Variants in MAML3 observed in about 807,000 individuals in gnomAD.
MAML3 encodes the protein mastermind like transcriptional coactivator 3, also known as mastermind-like protein 3.
A neutral mutation model predicts 101.9 loss-of-function variants in MAML3; 27 were observed. The ratio of observed to expected loss-of-function variants is 0.27; its 90% CI spans 0.20 to 0.37. The LOEUF is 0.37. Ranked by LOEUF, MAML3 falls within the 10% of genes least tolerant of loss-of-function variation. The pLI is 1.00. For missense variants in MAML3, 1,316 were observed against 1,444.9 expected, an observed-to-expected ratio of 0.91 and a Z score of 1.45; for synonymous variants, 501 against 555.9, an observed-to-expected ratio of 0.90 and a Z score of 1.39.
intron 2 of MAML3, among the ~76,000 whole-genome samples, chr4:139,802,564 C>T (rs73854358): frequency 0.015 from 2,297 of 152,262 alleles, 58 homozygotes; most frequent in African/African-American, 0.051. Context: ...AGATAACGAA[C>T]AATCCCTATT....
At chr4:139,790,252 TATAAA>T (rs1304738442) in intron 2 of MAML3, among the ~76,000 whole-genome samples, 2 of 138,012 alleles carry the variant, frequency 1.4e-5, no homozygotes. Context: ...TAAATAAATA[TATAAA>T]ATAAAATATA....
chr4:139,917,433 G>T (rs1733047281), intron 1 of MAML3, among the ~76,000 whole-genome samples: 1 of 152,146 alleles, frequency 6.6e-6, no homozygotes, highest in African/African-American at 2.4e-5. Context: ...TAGTACCAGG[G>T]GAAAGAAGGC....
intron 1 of MAML3, among the ~76,000 whole-genome samples, chr4:139,947,829 TG>T (rs1310945375): frequency 6.6e-6 from 1 of 152,154 alleles, no homozygotes; most frequent in Non-Finnish European, 1.5e-5. Context: ...TTGCTGGGCA[TG>T]GTGACTCACT....
chr4:139,829,103 AAGAAAGGAAGAAAG>A (rs1731117850), intron 2 of MAML3, among the ~76,000 whole-genome samples: 1 of 144,056 alleles, frequency 6.9e-6, no homozygotes, highest in Admixed American at 6.7e-5. Flanking sequence ...GGGAAAAGGA[AAGAAAGGAAGAAAG>A]AGAAAGGAAG....
intron 2 of MAML3, among the ~76,000 whole-genome samples, chr4:139,735,000 G>C (rs909774546): frequency 6.6e-6 from 1 of 152,278 alleles, no homozygotes; most frequent in African/African-American, 2.4e-5. Flanking sequence ...GCCCGGCCTC[G>C]TGCCCGGCCG....
chr4:139,901,262 G>C (rs1732713357), intron 1 of MAML3, among the ~76,000 whole-genome samples: 1 of 152,176 alleles, frequency 6.6e-6, no homozygotes, highest in Non-Finnish European at 1.5e-5. Context: ...CTTCAGAAGA[G>C]AGCAAATGTG....
intron 2 of MAML3, among the ~76,000 whole-genome samples, chr4:139,869,796 C>T (rs1429299011): frequency 2.0e-5 from 3 of 152,152 alleles, no homozygotes; most frequent in Non-Finnish European, 4.4e-5. Context: ...GGAGATAAAA[C>T]GTTCTGAAGC....
chr4:140,113,151 T>TCAC (rs1728465889), intron 1 of MAML3, among the ~76,000 whole-genome samples: 1 of 151,726 alleles, frequency 6.6e-6, no homozygotes, highest in Non-Finnish European at 1.5e-5. Context: ...TGGTGGCGGG[T>TCAC]GCCTGTAGTC....
At chr4:139,885,702 T>C (rs899276804) in intron 2 of MAML3, among the ~76,000 whole-genome samples, 1 of 147,856 alleles carries the variant, frequency 6.8e-6, no homozygotes, top group Non-Finnish European at 1.5e-5. Context: ...GGCGGGCGGA[T>C]CACGAGGTCA....
Position 139,993,366 on chromosome 4 carries a change from AAT to A in MAML3, c.469-102401_469-102400del, listed in dbSNP as rs1335065695. Among the ~76,000 whole-genome samples the A allele has an allele frequency of 9.7e-4, 108 of 111,062 alleles. 1 individual carries two copies. Among genetic ancestry groups the A allele is most frequent in the Admixed American group, 1.6e-3 (18 of 11,396 alleles). 72.9% of individuals were successfully genotyped at this position (111,062 alleles called of 152,430 possible). ...GACTCCATCTCAAAAAAAAAAAAAAAATAGACATACATATATACACACATATA... is the reference window on the plus strand; with the variant it reads ...GACTCCATCTCAAAAAAAAAAAAAAAAGACATACATATATACACACATATA... On this transcript the variant is annotated intron_variant, in intron 1 of 4. Transcript: ENST00000509479.
At chr4:139,815,944 G>GA (rs1471389502) in intron 2 of MAML3, among the ~76,000 whole-genome samples, 2 of 151,508 alleles carry the variant, frequency 1.3e-5, no homozygotes, top group Admixed American at 1.3e-4. Flanking sequence ...GTGCTACCAG[G>GA]AAAAAAAATA....
rs77276628 is a variant in MAML3 at position 139,750,908 on chromosome 4, C to T, written c.2080-20241G>A. Among the ~76,000 whole-genome samples, 24 of 152,316 alleles carry T rather than the reference C, an allele frequency of 1.6e-4. No individual in the cohort carries two copies. The East Asian group carries it at 4.4e-3, about 28-fold the overall frequency. The stretch of plus-strand genomic sequence containing the variant: ...TTTGCTTTTACATTTCTGACTTAGG[C>T]CTCAGTTGAAAATAAGCAATCTTTT... On this transcript the variant is annotated intron_variant, in intron 2 of 4. Coordinates refer to ENST00000509479, the MANE Select transcript of MAML3 (RefSeq NM_018717.5).
intron 1 of MAML3, among the ~76,000 whole-genome samples, chr4:140,140,973 G>GGAAAGTCAAATA (rs1404946531): frequency 6.6e-6 from 1 of 152,152 alleles, no homozygotes; most frequent in Non-Finnish European, 1.5e-5. Flanking sequence ...GACCAATAAA[G>GGAAAGTCAAATA]GAAAGTCAAA....
chr4:139,841,228 A>C (rs17050926), intron 2 of MAML3, among the ~76,000 whole-genome samples: 5,887 of 152,238 alleles, frequency 0.039, 364 homozygotes, highest in African/African-American at 0.13. Flanking sequence ...TGCAAGAAAA[A>C]CACATGCATT....
intron 2 of MAML3, among the ~76,000 whole-genome samples, chr4:139,797,181 G>C (rs1730525340): frequency 6.6e-6 from 1 of 152,114 alleles, no homozygotes; most frequent in Admixed American, 6.5e-5. Context: ...CTCAACCTAA[G>C]TTGGCATTAT....
At chr4:139,801,670 G>C (rs1730611213) in intron 2 of MAML3, among the ~76,000 whole-genome samples, 2 of 18,066 alleles carry the variant, frequency 1.1e-4, no homozygotes, top group Non-Finnish European at 1.5e-4. Flanking sequence ...GTGTGTGTGT[G>C]TGTGTGTGTG....
chr4:139,934,823 T>C (rs955671719), intron 1 of MAML3, among the ~76,000 whole-genome samples: 1 of 152,204 alleles, frequency 6.6e-6, no homozygotes, highest in Non-Finnish European at 1.5e-5. Context: ...CAACACTTTG[T>C]AACATACATG....
intron 2 of MAML3, among the ~76,000 whole-genome samples, chr4:139,802,407 A>G (rs976726236): frequency 2.6e-5 from 4 of 152,070 alleles, no homozygotes; most frequent in African/African-American, 9.6e-5. Context: ...CTGTTTTCCC[A>G]TGAGCAACTC....
rs200276529 is a variant in MAML3, at chr4:140,102,092, T to TA, written c.468+50767dup. 1.9e-3 allele frequency among the ~76,000 whole-genome samples: 290 copies of TA among 152,322 alleles called. 5 individuals are homozygous for TA. The East Asian group carries it at 0.042, about 22-fold the overall frequency. ...GATTTGTGTTGTTTTGTTTTAATGC[T>TA]AAGTACTCAGCAAAAAGCTGAGTTA... On this transcript the variant is annotated intron_variant, in intron 1 of 4. Coordinates refer to ENST00000509479, the MANE Select transcript of MAML3 (RefSeq NM_018717.5).
Sources: allele counts gnomAD v4.1 joint callset (sites outside exome capture counted in the v4.1 genomes callset), GRCh38; gene constraint gnomAD v4.1.1; transcripts MANE v1.5; gene names NCBI Gene and HGNC (gene_info 2026-07-23, HGNC 2026-07-21).